The following SLK variants were observed in gnomAD, a reference collection of about 807,000 sequenced individuals.
SLK encodes STE20-like serine/threonine-protein kinase.
Under a neutral mutation model 147.7 loss-of-function variants are expected in SLK, and 67 were observed. That is an observed-to-expected ratio of 0.45 (90% CI 0.37 to 0.56). The LOEUF is 0.56. Ranked by LOEUF, SLK falls within the 20% of genes least tolerant of loss-of-function variation. SLK has a pLI of 0.00. For missense variants in SLK, 1,136 were observed against 1,438.8 expected, an observed-to-expected ratio of 0.79 and a Z score of 3.41; for synonymous variants, 441 against 475.0, an observed-to-expected ratio of 0.93 and a Z score of 0.93.
intron 1 of SLK, among the ~76,000 whole-genome samples, chr10:103,974,139 C>G (rs948860919): frequency 6.6e-6 from 1 of 152,046 alleles, no homozygotes; most frequent in Non-Finnish European, 1.5e-5. Context: ...AGACTTATGT[C>G]CTTCAGTTCT....
intron 1 of SLK, among the ~76,000 whole-genome samples, chr10:103,989,072 G>T (rs1189929626): frequency 6.6e-6 from 1 of 152,140 alleles, no homozygotes; most frequent in African/African-American, 2.4e-5. Context: ...TATAAATAGT[G>T]TGTCAAGAGA....
chr10:104,012,276 G>C (rs1564661781), intron 13 of SLK, among the ~76,000 whole-genome samples: 4 of 151,942 alleles, frequency 2.6e-5, no homozygotes, highest in Admixed American at 2.0e-4. Context: ...TCATTTCAAA[G>C]GAGAGAATAT....
In SLK at chr10:103,993,132, G is replaced by A; in HGVS notation, c.513G>A (p.Leu171=). The change falls in exon 4 of 19, where the codon TTG becomes TTA. Residue 171 remains leucine, a splice_region_variant and synonymous_variant. Transcript: ENST00000369755. ...TTACCTTAGATGGAGATATCAAATTGGGTAAGTTATTCACTTAAATAAAAC... is the reference window on the plus strand; with the variant it reads ...TTACCTTAGATGGAGATATCAAATTAGGTAAGTTATTCACTTAAATAAAAC... The part of the protein sequence containing the change: ...ILFTLDGDIK[L]ADFGVSAKNT... 2 of 1,593,448 alleles carry A rather than the reference G, an allele frequency of 1.3e-6. No homozygotes were observed. Among genetic ancestry groups the A allele is most frequent in the Non-Finnish European group, 1.7e-6 (2 of 1,169,010 alleles).
intron 9 of SLK, among the ~76,000 whole-genome samples, chr10:104,004,013 C>G (rs1250531044): frequency 6.6e-6 from 1 of 152,096 alleles, no homozygotes; most frequent in Non-Finnish European, 1.5e-5. Flanking sequence ...GAGTGTAATT[C>G]TCAAATTTTA....
intron 1 of SLK, among the ~76,000 whole-genome samples, chr10:103,981,189 T>G (rs2487989): frequency 1.7e-3 from 221 of 126,606 alleles, no homozygotes; most frequent in African/African-American, 5.5e-3. Flanking sequence ...GTGGGTTTTT[T>G]TTGTTGTTGT....
chr10:103,967,664 G>C lies in SLK; in HGVS notation c.-82G>C. On this transcript the variant is annotated 5_prime_UTR_variant, in exon 1 of 19. Coordinates refer to ENST00000369755, the MANE Select transcript of SLK (RefSeq NM_014720.4). ...GCGCCCGCCGCCGCCAGCCGGGCTC[G>C]CGCGGGAGAGCAGGGAAGAGAAACT... is the stretch of plus-strand genomic sequence containing the variant. 1.6e-6 allele frequency: 2 copies of C among 1,280,548 alleles called. No individual in the cohort carries two copies. Among genetic ancestry groups the C allele is most frequent in the Admixed American group, 2.5e-5 (1 of 39,560 alleles). The allele number at this position is 1,280,548 out of a possible 1,614,324, so 79.3% of individuals were successfully genotyped here. A position where few individuals can be genotyped will look rare whatever the true frequency, so the allele number is the denominator to read the frequency against.
intron 1 of SLK, among the ~76,000 whole-genome samples, chr10:103,973,759 A>C (rs1416282706): frequency 6.6e-6 from 1 of 152,188 alleles, no homozygotes; most frequent in Non-Finnish European, 1.5e-5. Context: ...TGTTGTGTAC[A>C]ACCTTTAGTA....
At chr10:104,012,661 G>A (rs1426524327) in intron 13 of SLK, among the ~76,000 whole-genome samples, 1 of 152,046 alleles carries the variant, frequency 6.6e-6, no homozygotes, top group Admixed American at 6.6e-5. Flanking sequence ...GATAAGTTTG[G>A]GTACATGTTT....
chr10:104,015,979 A>G (rs1315514818), intron 13 of SLK, among the ~76,000 whole-genome samples: 1 of 151,938 alleles, frequency 6.6e-6, no homozygotes, highest in African/African-American at 2.4e-5. Flanking sequence ...ACCCTTTGAT[A>G]TTTTTGCAGG....
chr10:103,985,841 A>G (rs1336408677), intron 1 of SLK, among the ~76,000 whole-genome samples: 3 of 152,232 alleles, frequency 2.0e-5, no homozygotes, highest in Non-Finnish European at 4.4e-5. Context: ...TTCAAACAAG[A>G]GTAATATGAG....
In SLK at chr10:103,967,613, C is replaced by G; in HGVS notation, c.-133C>G. ...CCGCCTTCTCCCGGGACCGCCCGGC[C>G]GGAGCTGCGGGGGCCGAGGGACGCC... On this transcript the variant is annotated 5_prime_UTR_variant, in exon 1 of 19. Coordinates refer to ENST00000369755, the MANE Select transcript of SLK (RefSeq NM_014720.4). The G allele has an allele frequency of 6.2e-6, 3 of 486,240 alleles. No homozygotes were observed. The highest frequency in any genetic ancestry group is 8.7e-6 in the Non-Finnish European group (3 of 346,422). 30.1% of individuals were successfully genotyped at this position (486,240 alleles called of 1,614,324 possible). A position where few individuals can be genotyped will look rare whatever the true frequency, so the allele number is the denominator to read the frequency against.
chr10:104,028,827 G>C lies in SLK; in HGVS notation c.*3107G>C, dbSNP rs1305525227. 2 of 152,202 alleles carry C rather than the reference G, an allele frequency of 1.3e-5. No homozygotes were observed. Among genetic ancestry groups the C allele is most frequent in the African/African-American group, 2.4e-5 (1 of 41,448 alleles). The allele number at this position is 152,202 out of a possible 1,614,324, so 9.4% of individuals were successfully genotyped here. On this transcript the variant is annotated 3_prime_UTR_variant, in exon 19 of 19. Transcript: ENST00000369755. ...TTAACTAGAGATATTGTTGATTAAA[G>C]AAAATCTAGAACTGAAGTGAAAGAA... is the stretch of plus-strand genomic sequence containing the variant.
Position 104,008,335 on chromosome 10 carries a change from G to A in SLK, c.2763G>A (p.Met921Ile). 1 of 1,609,382 alleles carries A rather than the reference G, an allele frequency of 6.2e-7. No homozygotes were observed. The highest frequency in any genetic ancestry group is 1.1e-5 in the South Asian group (1 of 89,852). Residue 921 changes from methionine to isoleucine, a missense_variant, in exon 12 of 19, where the codon ATG becomes ATA. Physicochemically the swap from Met to Ile is conservative, Grantham distance 10. Around this residue, in one of 6 missense-constraint regions of SLK, gnomAD observed 327 missense variants for 457.5 expected, o/e 0.71. Transcript: ENST00000369755. ...QEKELSKFQNMLKNRKKEVIN... is the reference protein window; with the variant it reads ...QEKELSKFQNILKNRKKEVIN... ...AAGAGTTGTCCAAATTTCAGAATAT[G>A]CTGAAGAACCGAAAGAAGGAGGTAA...
chr10:104,006,062 A>G lies in SLK; in HGVS notation c.2604+27A>G, dbSNP rs755109647. On this transcript the variant is annotated intron_variant, in intron 11 of 18. Transcript: ENST00000369755. Reference sequence around the variant, plus strand: ...TAAAGTCTGATTGTTATACCATTTTATATCATTTTGTGTTAATAATGACAT... The same window carrying G: ...TAAAGTCTGATTGTTATACCATTTTGTATCATTTTGTGTTAATAATGACAT... 3 of 1,597,060 alleles carry G rather than the reference A, an allele frequency of 1.9e-6. No individual in the cohort carries two copies. In the Admixed American group the frequency reaches 5.5e-5, roughly 29 times the overall value.
At chr10:104,013,214 A>G (rs961949449) in intron 13 of SLK, among the ~76,000 whole-genome samples, 3 of 152,254 alleles carry the variant, frequency 2.0e-5, no homozygotes, top group African/African-American at 4.8e-5. Flanking sequence ...TCATGGAGCT[A>G]GAACATATTT....
chr10:103,986,721 C>T (rs1324215472), intron 1 of SLK, among the ~76,000 whole-genome samples: 3 of 146,044 alleles, frequency 2.1e-5, no homozygotes, highest in Non-Finnish European at 3.0e-5. Context: ...GTCTGTTGCC[C>T]AGGCTGGAGT....
In SLK at chr10:104,026,109, G is replaced by A. The variant is rs1239121869; in HGVS notation, c.*389G>A. The A allele has an allele frequency of 1.9e-5, 3 of 156,282 alleles. No individual in the cohort carries two copies. The highest frequency in any genetic ancestry group is 4.2e-5 in the Non-Finnish European group (3 of 70,670). The allele number at this position is 156,282 out of a possible 1,614,324, so 9.7% of individuals were successfully genotyped here. On this transcript the variant is annotated 3_prime_UTR_variant, in exon 19 of 19. Coordinates refer to ENST00000369755, the MANE Select transcript of SLK (RefSeq NM_014720.4). Reference sequence around the variant, plus strand: ...CGTAACTTCTCAATGCCTAAATTCTGTAGTTGAAGCTCTGCTGCAGAGAGT... The same window carrying A: ...CGTAACTTCTCAATGCCTAAATTCTATAGTTGAAGCTCTGCTGCAGAGAGT...
intron 13 of SLK, among the ~76,000 whole-genome samples, chr10:104,016,160 A>T (rs1405704096): frequency 2.0e-5 from 3 of 152,098 alleles, no homozygotes; most frequent in African/African-American, 7.2e-5. Context: ...CTACTAGAAA[A>T]TACAAAAAAT....
At position 104,027,961 on chromosome 10, in the gene SLK, T is replaced by C. The variant is rs1214066782; in HGVS notation, c.*2241T>C. 2 of 152,216 alleles carry C rather than the reference T, an allele frequency of 1.3e-5. No homozygotes were observed. The highest frequency in any genetic ancestry group is 2.9e-5 in the Non-Finnish European group (2 of 68,044). 9.4% of individuals were successfully genotyped at this position (152,216 alleles called of 1,614,324 possible). On this transcript the variant is annotated 3_prime_UTR_variant, in exon 19 of 19. Transcript: ENST00000369755. ...GACCATAATCGTGTGGGTGCAAGAC[T>C]GTACAGTGATACATATGTAGAGGTA...
Sources: gnomAD v4.1 joint callset for allele counts (sites outside exome capture counted in the v4.1 genomes callset) on GRCh38, gnomAD v4.1.1 for gene constraint, gnomAD v4.1.1 regional missense constraint, MANE v1.5 for transcripts, NCBI Gene and HGNC (gene_info 2026-07-23, HGNC 2026-07-21) for gene names.